CHD5: variants seen among roughly 807,000 people sequenced by gnomAD.
CHD5 encodes the protein ATP-dependent chromatin remodeler CHD5.
In CHD5, 69 loss-of-function variants were observed where a neutral mutation model predicts 230.3. The ratio of observed to expected loss-of-function variants is 0.30; its 90% CI spans 0.25 to 0.37. The LOEUF is 0.37. Ranked by LOEUF, CHD5 falls within the 10% of genes least tolerant of loss-of-function variation. The pLI is 1.00. For synonymous variants in CHD5, 1,064 were observed against 1,065.9 expected (o/e 1.00, Z 0.03); for missense variants, 1,827 against 2,622.8 (o/e 0.70, Z 6.63).
At chr1:6,133,839 G>A (rs781715599) in intron 20 of CHD5, among the ~76,000 whole-genome samples, 20 of 152,342 alleles carry the variant, frequency 1.3e-4, no homozygotes, top group African/African-American at 3.8e-4. Flanking sequence ...GCCAGGCTGC[G>A]GGGGAGAGGG....
In CHD5 at chr1:6,180,055, C is replaced by A; in HGVS notation, c.-32G>T. 4 of 1,212,110 alleles carry A rather than the reference C, an allele frequency of 3.3e-6. No individual in the cohort carries two copies. The highest frequency in any genetic ancestry group is 4.2e-6 in the Non-Finnish European group (4 of 950,560). 75.1% of individuals were successfully genotyped at this position (1,212,110 alleles called of 1,614,324 possible). On this transcript the variant is annotated 5_prime_UTR_variant, in exon 1 of 42. Coordinates refer to ENST00000262450, the MANE Select transcript of CHD5 (RefSeq NM_015557.3). ...CGCGGGGAGGAGGGGAGGTGGGCGCCCCCCCTCCCGCCGGGCGCGGTGCCA... is the reference window on the plus strand; with the variant it reads ...CGCGGGGAGGAGGGGAGGTGGGCGCACCCCCTCCCGCCGGGCGCGGTGCCA...
At chr1:6,112,398 G>T (rs905439014) in intron 34 of CHD5, 121 bp from the exon 35 acceptor site, 4 of 1,248,470 alleles carry the variant, frequency 3.2e-6, no homozygotes, top group Non-Finnish European at 4.5e-6. Flanking sequence ...GTCCTCAGGG[G>T]ACTCGCTGCC....
chr1:6,111,853 C>T lies in CHD5; in HGVS notation c.5171G>A (p.Arg1724Gln), dbSNP rs1028098568. The T allele has an allele frequency of 3.1e-6, 5 of 1,613,128 alleles. No homozygotes were observed. The Admixed American group carries it at 5.0e-5, about 16-fold the overall frequency. Reference protein sequence around the residue: ...ELHTLWQNEERAAVSSGKIYD... With the variant: ...ELHTLWQNEEQAAVSSGKIYD... ...GATTTTCCCAGAGGATACAGCAGCC[C>T]GCTCCTCGTTCTGCCACAGCGTGTG... Residue 1724 changes from arginine to glutamine, a missense_variant, in exon 36 of 42, where the codon CGG becomes CAG. Arg to Gln is a conservative substitution (Grantham distance 43, BLOSUM62 1). Around this residue, in one of 14 missense-constraint regions of CHD5, gnomAD observed 272 missense variants for 263.2 expected, o/e 1.03. Coordinates refer to ENST00000262450, the MANE Select transcript of CHD5 (RefSeq NM_015557.3).
chr1:6,143,275 C>G (rs1488873166), intron 13 of CHD5, among the ~76,000 whole-genome samples: 1 of 152,098 alleles, frequency 6.6e-6, no homozygotes, highest in African/African-American at 2.4e-5. Context: ...TCAAGCGGTC[C>G]TCCCACCCCG....
intron 33 of CHD5, among the ~76,000 whole-genome samples, chr1:6,119,291 G>A (rs1375738828): frequency 6.6e-6 from 1 of 152,014 alleles, no homozygotes; most frequent in Admixed American, 6.6e-5. Flanking sequence ...AGTAGAGACG[G>A]GTTTCACCAT....
intron 33 of CHD5, among the ~76,000 whole-genome samples, chr1:6,117,048 A>C (rs1666388907): frequency 6.6e-6 from 1 of 152,262 alleles, no homozygotes; most frequent in Non-Finnish European, 1.5e-5. Flanking sequence ...AAAAATGTTA[A>C]GAGTACAGAA....
rs781305242 is a variant in CHD5, at chr1:6,136,719, G to A, written c.2574+9C>T. 8 of 1,610,398 alleles carry A rather than the reference G, an allele frequency of 5.0e-6. No homozygotes were observed. The highest frequency in any genetic ancestry group is 2.2e-5 in the East Asian group (1 of 44,762). ...GAAGCTCTGGGGTCTGGCGGCCAGCGCCACCTACCTTGGACTGGTTGTTCT... is the reference window on the plus strand; with the variant it reads ...GAAGCTCTGGGGTCTGGCGGCCAGCACCACCTACCTTGGACTGGTTGTTCT... On this transcript the variant is annotated intron_variant, in intron 16 of 41. Coordinates refer to ENST00000262450, the MANE Select transcript of CHD5 (RefSeq NM_015557.3).
chr1:6,149,397 C>T lies in CHD5; in HGVS notation c.1010G>A (p.Gly337Asp), dbSNP rs2100863582. Residue 337 changes from glycine to aspartate, a missense_variant, in exon 8 of 42, where the codon GGC becomes GAC. Coordinates refer to ENST00000262450, the MANE Select transcript of CHD5 (RefSeq NM_015557.3). ...RKKKRIDDGDGYETDHQDYCE... is the reference protein window; with the variant it reads ...RKKKRIDDGDDYETDHQDYCE... ...GTAATCCTGGTGGTCTGTCTCATAG[C>T]CGTCACCATCATCAACTAGGGTAGG... The T allele has an allele frequency of 2.5e-6, 4 of 1,609,618 alleles. No individual in the cohort carries two copies. In the East Asian group the frequency reaches 6.7e-5, roughly 27 times the overall value.
At chr1:6,113,989 C>T (rs190025182) in intron 33 of CHD5, among the ~76,000 whole-genome samples, 7 of 152,294 alleles carry the variant, frequency 4.6e-5, no homozygotes, top group Non-Finnish European at 7.4e-5. Flanking sequence ...GTGGCTCACG[C>T]CTGTAATCCT....
intron 38 of CHD5, among the ~76,000 whole-genome samples, chr1:6,109,223 G>A (rs1666245563): frequency 6.6e-6 from 1 of 152,124 alleles, no homozygotes; most frequent in Admixed American, 6.5e-5. Flanking sequence ...AGGCCCTACT[G>A]GGCACAGGAT....
intron 25 of CHD5, among the ~76,000 whole-genome samples, chr1:6,127,495 A>AAG (rs1202465741): frequency 8.5e-5 from 13 of 152,132 alleles, no homozygotes; most frequent in Admixed American, 2.6e-4. Flanking sequence ...CAAGAAAAAA[A>AAG]AAAAAAGAAA....
Position 6,173,881 on chromosome 1 carries a change from G to A in CHD5, c.80-5604C>T, listed in dbSNP as rs115920266. ...TGCTGGCAAAGGGGGGCAGTACACC[G>A]CCCAAGAGAGGATTCATAATTTATT... is the stretch of plus-strand genomic sequence containing the variant. On this transcript the variant is annotated intron_variant, in intron 1 of 41. Coordinates refer to ENST00000262450, the MANE Select transcript of CHD5 (RefSeq NM_015557.3). Among the ~76,000 whole-genome samples, 1,063 of 152,296 alleles carry A rather than the reference G, an allele frequency of 7.0e-3. 12 individuals are homozygous for A. Among genetic ancestry groups the A allele is most frequent in the African/African-American group, 0.023 (963 of 41,554 alleles).
In CHD5 at chr1:6,154,591, C is replaced by G; in HGVS notation, c.745+69G>C. On this transcript the variant is annotated intron_variant, in intron 5 of 41. Coordinates refer to ENST00000262450, the MANE Select transcript of CHD5 (RefSeq NM_015557.3). This position sits in a 1 kb window ranked among gnomAD's most constrained non-coding sequence, Gnocchi z 7.0. Reference sequence around the variant, plus strand: ...CTCCCTGCCCGCGTCTGCCCCGTGGCTTCTCCTATAGGGTCTGAAAGGGAC... The same window carrying G: ...CTCCCTGCCCGCGTCTGCCCCGTGGGTTCTCCTATAGGGTCTGAAAGGGAC... 1 of 1,419,920 alleles carries G rather than the reference C, an allele frequency of 7.0e-7. No individual in the cohort carries two copies. The highest frequency in any genetic ancestry group is 9.4e-7 in the Non-Finnish European group (1 of 1,062,398). The allele number at this position is 1,419,920 out of a possible 1,614,324, so 88.0% of individuals were successfully genotyped here. A position where few individuals can be genotyped will look rare whatever the true frequency, so the allele number is the denominator to read the frequency against.
At position 6,168,154 on chromosome 1, in the gene CHD5, T is replaced by G. The variant is rs1338036350; in HGVS notation, c.203A>C (p.Lys68Thr). The G allele has an allele frequency of 5.6e-6, 9 of 1,604,148 alleles. No individual in the cohort carries two copies. The highest frequency in any genetic ancestry group is 7.7e-6 in the Non-Finnish European group (9 of 1,172,452). The change falls in exon 2 of 42, where the codon AAA becomes ACA. Residue 68 changes from lysine to threonine, a missense_variant. Around this residue, in one of 14 missense-constraint regions of CHD5, gnomAD observed 113 missense variants for 91.9 expected, o/e 1.23. Coordinates refer to ENST00000262450, the MANE Select transcript of CHD5 (RefSeq NM_015557.3). ...ENKCKGKRKK[K>T]EGSNDELSEN... Reference sequence around the variant, plus strand: ...GGCGCAGGTGCTGCCCCTCACCTCTTTCTTCTTCCGCTTCCCTTTACACTT... The same window carrying G: ...GGCGCAGGTGCTGCCCCTCACCTCTGTCTTCTTCCGCTTCCCTTTACACTT...
At chr1:6,171,596 T>C (rs1667340270) in intron 1 of CHD5, among the ~76,000 whole-genome samples, 1 of 152,198 alleles carries the variant, frequency 6.6e-6, no homozygotes, top group African/African-American at 2.4e-5. Context: ...CAGCAGGTCC[T>C]GAGCTTTCTA....
Position 6,167,592 on chromosome 1 carries a change from G to A in CHD5, c.207+558C>T, listed in dbSNP as rs1383368870. ...GCGTGAAGCACAGAGAAGCACACTC[G>A]GAATGTGTCAGCAGCGTGGGAAGAC... On this transcript the variant is annotated intron_variant, in intron 2 of 41. Coordinates refer to ENST00000262450, the MANE Select transcript of CHD5 (RefSeq NM_015557.3). The surrounding 1 kb of genome is among the most constrained non-coding windows in gnomAD (Gnocchi z 4.5). Among the ~76,000 whole-genome samples, 2 of 152,128 alleles carry A rather than the reference G, an allele frequency of 1.3e-5. No individual in the cohort carries two copies. Among genetic ancestry groups the A allele is most frequent in the East Asian group, 1.9e-4 (1 of 5,178 alleles).
At position 6,135,202 on chromosome 1, in the gene CHD5, G is replaced by C. The variant is rs753948951; in HGVS notation, c.2870+28C>G. The stretch of plus-strand genomic sequence containing the variant: ...AGCCCAGGGGAAAGGGCGAGCACAG[G>C]CTGCTCCGGGGTCAGCCCATCACTC... On this transcript the variant is annotated intron_variant, in intron 18 of 41. Transcript: ENST00000262450. 5 of 1,613,336 alleles carry C rather than the reference G, an allele frequency of 3.1e-6. No individual in the cohort carries two copies. In the Admixed American group the frequency reaches 6.7e-5, roughly 22 times the overall value.
rs1666139437 is a variant in CHD5, at chr1:6,105,097, G to A, written c.*377C>T. The A allele has an allele frequency of 6.1e-6, 2 of 327,970 alleles. No homozygotes were observed. The highest frequency in any genetic ancestry group is 4.5e-5 in the Admixed American group (1 of 22,062). The allele number at this position is 327,970 out of a possible 1,614,324, so 20.3% of individuals were successfully genotyped here. A position where few individuals can be genotyped will look rare whatever the true frequency, so the allele number is the denominator to read the frequency against. The stretch of plus-strand genomic sequence containing the variant: ...TGCTGCAGGTTCGAATCTTCCATAC[G>A]TCATCCAACTTTTATCAAGACAAAC... On this transcript the variant is annotated 3_prime_UTR_variant, in exon 42 of 42. Coordinates refer to ENST00000262450, the MANE Select transcript of CHD5 (RefSeq NM_015557.3). The surrounding 1 kb of genome is among the most constrained non-coding windows in gnomAD (Gnocchi z 4.8).
At position 6,111,787 on chromosome 1, in the gene CHD5, G is replaced by A. The variant is rs747031590; in HGVS notation, c.5237C>T (p.Ala1746Val). The change falls in exon 36 of 42, where the codon GCG (alanine) becomes GTG (valine). Residue 1746 changes from alanine (A) to valine (V), a missense_variant. Ala to Val is a moderately conservative substitution (Grantham distance 64). Coordinates refer to ENST00000262450, the MANE Select transcript of CHD5 (RefSeq NM_015557.3). ...WHRRHDYWLL[A>V]GIVTHGYARW... ...TGGCCAAGGATACGTCACGATGCCC[G>A]CCAGCAGCCAGTAGTCATGGCGCCG... The A allele has an allele frequency of 2.0e-5, 32 of 1,613,214 alleles. No homozygotes were observed. Among genetic ancestry groups the A allele is most frequent in the Non-Finnish European group, 2.6e-5 (31 of 1,179,868 alleles).
Sources: allele counts gnomAD v4.1 joint callset (sites outside exome capture counted in the v4.1 genomes callset), GRCh38; gene constraint gnomAD v4.1.1; regional missense constraint gnomAD v4.1.1; non-coding constraint Gnocchi (gnomAD v3.1); transcripts MANE v1.5; gene names NCBI Gene and HGNC (gene_info 2026-07-23, HGNC 2026-07-21).